Variants in SEM1 observed in about 807,000 individuals in gnomAD.
SEM1 encodes SEM1 26S proteasome subunit.
In SEM1, 3 loss-of-function variants were observed where a neutral mutation model predicts 12.7. The ratio of observed to expected loss-of-function variants is 0.24; its 90% CI spans 0.11 to 0.61. The LOEUF (loss-of-function observed/expected upper bound fraction) is 0.61, where lower values mean the gene tolerates loss of function less well. Ranked by LOEUF, SEM1 falls within the 20% of genes least tolerant of loss-of-function variation. The pLI is 0.88. For missense variants in SEM1, 59 were observed against 81.3 expected, an observed-to-expected ratio of 0.73 and a Z score of 1.06; for synonymous variants, 30 against 27.8, an observed-to-expected ratio of 1.08 and a Z score of -0.25.
chr7:96,538,520 T>C (rs564157551), intron 2 of SEM1, among the ~76,000 whole-genome samples: 1 of 151,984 alleles, frequency 6.6e-6, no homozygotes, highest in African/African-American at 2.4e-5. Context: ...CTAATGTCTT[T>C]GTTTTTTCCC....
chr7:96,668,984 A>C (rs1031127027), downstream of SEM1, among the ~76,000 whole-genome samples: 1 of 152,150 alleles, frequency 6.6e-6, no homozygotes, highest in African/African-American at 2.4e-5. Context: ...GAACATGCAA[A>C]CCACCAGAAA....
At chr7:96,566,659 T>C (rs914867892) in intron 2 of SEM1, among the ~76,000 whole-genome samples, 1 of 151,576 alleles carries the variant, frequency 6.6e-6, no homozygotes, top group Non-Finnish European at 1.5e-5. Flanking sequence ...GTAGGCAAAT[T>C]TATCACCTTT....
At chr7:96,570,427 C>G (rs537811197) in intron 2 of SEM1, among the ~76,000 whole-genome samples, 5 of 151,642 alleles carry the variant, frequency 3.3e-5, no homozygotes, top group African/African-American at 7.3e-5. Flanking sequence ...CTCCCACTTA[C>G]GAGTGAGAAC....
chr7:96,702,065 T>C (rs1254006773), intron 1 of SEM1, among the ~76,000 whole-genome samples: 2 of 151,962 alleles, frequency 1.3e-5, no homozygotes, highest in African/African-American at 2.4e-5. Context: ...AGGGCACCTG[T>C]TGGGGGCAGC....
At chr7:96,504,418 CAT>C (rs1341516307) in intron 3 of SEM1, among the ~76,000 whole-genome samples, 1 of 152,052 alleles carries the variant, frequency 6.6e-6, no homozygotes, top group Non-Finnish European at 1.5e-5. Context: ...AAATTTCAAA[CAT>C]ATAAAATAGT....
chr7:96,703,717 T>C (rs1250101145), intron 1 of SEM1, among the ~76,000 whole-genome samples: 1 of 151,874 alleles, frequency 6.6e-6, no homozygotes, highest in Non-Finnish European at 1.5e-5. Context: ...GGAAGACTGA[T>C]GGGAAGACTG....
intron 1 of SEM1, chr7:96,486,432 G>GT (rs1802772230): frequency 6.5e-7 from 1 of 1,534,098 alleles, no homozygotes; most frequent in African/African-American, 1.4e-5. Flanking sequence ...AAGGGAAGTT[G>GT]AAGGTATTAT....
intron 1 of SEM1, among the ~76,000 whole-genome samples, chr7:96,708,563 G>A (rs558447305): frequency 6.6e-6 from 1 of 152,228 alleles, no homozygotes; most frequent in South Asian, 2.1e-4. Flanking sequence ...TTCTTATAAG[G>A]TAAATATTTA....
chr7:96,656,409 C>G (rs1212618870), intron 2 of SEM1: 1 of 152,300 alleles, frequency 6.6e-6, no homozygotes, highest in Non-Finnish European at 1.5e-5. Flanking sequence ...GACATTAACT[C>G]CCACCCTACC....
chr7:96,649,878 T>C (rs1250288779), intron 2 of SEM1: 2 of 152,204 alleles, frequency 1.3e-5, no homozygotes, highest in African/African-American at 4.8e-5. Flanking sequence ...CTAAAAAATG[T>C]TGCATTTTTG....
At chr7:96,629,084 A>G (rs568443799) in intron 2 of SEM1, among the ~76,000 whole-genome samples, 2 of 152,000 alleles carry the variant, frequency 1.3e-5, no homozygotes, top group East Asian at 3.9e-4. Flanking sequence ...TTTATCCTTG[A>G]CCTTTGGGAG....
intron 2 of SEM1, among the ~76,000 whole-genome samples, chr7:96,625,429 G>A (rs1049088647): frequency 7.2e-5 from 11 of 152,102 alleles, no homozygotes; most frequent in African/African-American, 2.7e-4. Flanking sequence ...GAGCAAAAGG[G>A]ATGAAATGAC....
At chr7:96,694,525 C>A (rs1790030037) in intron 2 of SEM1, among the ~76,000 whole-genome samples, 2 of 151,820 alleles carry the variant, frequency 1.3e-5, no homozygotes, top group South Asian at 2.1e-4. Flanking sequence ...TTAACATTGA[C>A]AGAATTAAAT....
chr7:96,562,394 A>C (rs1178541900), intron 2 of SEM1, among the ~76,000 whole-genome samples: 1 of 152,212 alleles, frequency 6.6e-6, no homozygotes, highest in African/African-American at 2.4e-5. Context: ...ATACAGTGCT[A>C]TGGATATATA....
intron 2 of SEM1, among the ~76,000 whole-genome samples, chr7:96,551,867 C>G (rs886546571): frequency 2.6e-5 from 4 of 152,154 alleles, no homozygotes; most frequent in Non-Finnish European, 5.9e-5. Context: ...TCCCCTAGAG[C>G]CTCTGGAAGG....
At chr7:96,520,032 G>C (rs1398557187) in intron 2 of SEM1, among the ~76,000 whole-genome samples, 1 of 152,076 alleles carries the variant, frequency 6.6e-6, no homozygotes, top group East Asian at 1.9e-4. Flanking sequence ...AGATCCTGCT[G>C]GGAAATATTT....
At chr7:96,653,923 C>T (rs1384236956) in intron 2 of SEM1, 3 of 152,126 alleles carry the variant, frequency 2.0e-5, no homozygotes, top group Non-Finnish European at 2.9e-5. Flanking sequence ...TTAATAGTGT[C>T]TATTTCTTTA....
At chr7:96,574,024 G>C (rs1419373233) in intron 2 of SEM1, among the ~76,000 whole-genome samples, 1 of 151,800 alleles carries the variant, frequency 6.6e-6, no homozygotes, top group Non-Finnish European at 1.5e-5. Flanking sequence ...CCATGTTGGT[G>C]TGCTGCACCC....
chr7:96,608,774 T>C (rs962291845), intron 2 of SEM1, among the ~76,000 whole-genome samples: 1 of 152,246 alleles, frequency 6.6e-6, no homozygotes, highest in Non-Finnish European at 1.5e-5. Context: ...TATGACAGAA[T>C]AATATTCCAT....
Sources: gnomAD v4.1 joint callset for allele counts (sites outside exome capture counted in the v4.1 genomes callset) on GRCh38, gnomAD v4.1.1 for gene constraint, MANE v1.5 for transcripts, NCBI Gene and HGNC (gene_info 2026-07-23, HGNC 2026-07-21) for gene names.